The following BACH2 variants were observed in gnomAD, a reference collection of about 807,000 sequenced individuals.
BACH2 encodes the protein BACH transcriptional regulator 2.
Under a neutral mutation model 61.8 loss-of-function variants are expected in BACH2, and 5 were observed. The ratio of observed to expected loss-of-function variants is 0.08; its 90% CI spans 0.04 to 0.17. The LOEUF is 0.17. BACH2 is among the 10% of genes least tolerant of loss of function. The pLI, the probability that BACH2 is intolerant of heterozygous loss-of-function variation, is 1.00. For synonymous variants in BACH2, 446 were observed against 440.1 expected (o/e 1.01, Z -0.17); for missense variants, 824 against 1,091.1 (o/e 0.76, Z 3.45).
intron 7 of BACH2, among the ~76,000 whole-genome samples, chr6:89,940,620 G>A (rs116776098): frequency 5.3e-5 from 8 of 152,148 alleles, no homozygotes; most frequent in African/African-American, 9.7e-5. Flanking sequence ...CGTCTGCTCC[G>A]GATGAGCCAG....
At chr6:90,186,393 A>G (rs1212095257) in intron 4 of BACH2, among the ~76,000 whole-genome samples, 1 of 152,236 alleles carries the variant, frequency 6.6e-6, no homozygotes, top group Non-Finnish European at 1.5e-5. Context: ...TCCCTAAAAT[A>G]TAACCAAGGT....
At chr6:90,045,943 C>G (rs1344852108) in intron 5 of BACH2, among the ~76,000 whole-genome samples, 1 of 152,190 alleles carries the variant, frequency 6.6e-6, no homozygotes, top group Non-Finnish European at 1.5e-5. Context: ...GTCTTACAGG[C>G]TTCTCTCCCC....
At chr6:89,997,067 G>A (rs1437144139) in intron 6 of BACH2, among the ~76,000 whole-genome samples, 2 of 151,660 alleles carry the variant, frequency 1.3e-5, no homozygotes, top group African/African-American at 2.4e-5. Flanking sequence ...GTATTTTTTG[G>A]TGCCTCTCTC....
intron 5 of BACH2, among the ~76,000 whole-genome samples, chr6:90,046,644 A>T (rs1210256268): frequency 6.6e-6 from 1 of 152,190 alleles, no homozygotes; most frequent in Admixed American, 6.5e-5. Context: ...CCTGTGGGTG[A>T]TATCAATATG....
intron 4 of BACH2, among the ~76,000 whole-genome samples, chr6:90,100,281 C>G (rs1008224013): frequency 2.6e-5 from 4 of 152,122 alleles, no homozygotes. Flanking sequence ...TTTCAATTTA[C>G]TTGGATATAT....
intron 4 of BACH2, among the ~76,000 whole-genome samples, chr6:90,157,387 T>A (rs1323740465): frequency 1.3e-5 from 2 of 152,220 alleles, no homozygotes; most frequent in African/African-American, 2.4e-5. Context: ...GTTAATTTAT[T>A]CATTCACTCA....
intron 4 of BACH2, among the ~76,000 whole-genome samples, chr6:90,140,418 TA>T (rs1313543657): frequency 6.6e-6 from 1 of 152,212 alleles, no homozygotes; most frequent in Non-Finnish European, 1.5e-5. Context: ...CAAATGGGAA[TA>T]AAAAGAACAC....
intron 4 of BACH2, among the ~76,000 whole-genome samples, chr6:90,182,104 C>T (rs1002700723): frequency 6.6e-6 from 1 of 152,166 alleles, no homozygotes; most frequent in Non-Finnish European, 1.5e-5. Flanking sequence ...ATGGTAGATG[C>T]TGCAGACATG....
intron 5 of BACH2, among the ~76,000 whole-genome samples, chr6:90,066,181 C>A (rs988003713): frequency 1.3e-5 from 2 of 152,054 alleles, no homozygotes; most frequent in African/African-American, 4.8e-5. Context: ...ACTGAAGAAA[C>A]CAATAAGTCC....
At chr6:90,134,678 T>C (rs1784213591) in intron 4 of BACH2, among the ~76,000 whole-genome samples, 1 of 152,250 alleles carries the variant, frequency 6.6e-6, no homozygotes, top group African/African-American at 2.4e-5. Flanking sequence ...CTTTTCACAG[T>C]GCCCAGTCTT....
At chr6:90,076,081 C>T (rs1179419696) in intron 5 of BACH2, among the ~76,000 whole-genome samples, 2 of 152,048 alleles carry the variant, frequency 1.3e-5, no homozygotes, top group Non-Finnish European at 2.9e-5. Flanking sequence ...TCTACAAGTC[C>T]CACTCTAGGA....
intron 4 of BACH2, among the ~76,000 whole-genome samples, chr6:90,196,739 T>C (rs1768773376): frequency 6.6e-6 from 1 of 152,120 alleles, no homozygotes; most frequent in African/African-American, 2.4e-5. Context: ...CTGGTTAGGG[T>C]TGGTTATCTT....
At chr6:90,194,619 T>C (rs940415516) in intron 4 of BACH2, among the ~76,000 whole-genome samples, 3 of 152,122 alleles carry the variant, frequency 2.0e-5, no homozygotes, top group African/African-American at 7.2e-5. Context: ...GAAACAGAAG[T>C]CTCAAAGGTA....
intron 4 of BACH2, among the ~76,000 whole-genome samples, chr6:90,103,287 G>C (rs1323807641): frequency 6.6e-6 from 1 of 151,824 alleles, no homozygotes; most frequent in Non-Finnish European, 1.5e-5. Flanking sequence ...TGGGAGCAGA[G>C]AGAGCCAGGA....
rs9344986 is a variant in BACH2 at position 90,044,717 on chromosome 6, G to A, written c.-12-35861C>T. On this transcript the variant is annotated intron_variant, in intron 5 of 8. Transcript: ENST00000257749. ...TGGATTTGACAGGTGGAGCTGACGG[G>A]ATTTGCTAGTGGATTGGATGTGGGG... Among the ~76,000 whole-genome samples, 1,451 of 152,296 alleles carry A rather than the reference G, an allele frequency of 9.5e-3. 66 individuals are homozygous for A. In the East Asian group the frequency reaches 0.14, roughly 15 times the overall value.
chr6:89,936,471 T>G lies in BACH2; in HGVS notation c.2043+1673A>C, dbSNP rs555654420. Among the ~76,000 whole-genome samples the G allele has an allele frequency of 1.1e-4, 17 of 152,012 alleles. 1 individual carries two copies. Among genetic ancestry groups the G allele is most frequent in the Non-Finnish European group, 2.9e-5 (2 of 68,018 alleles). On this transcript the variant is annotated intron_variant, in intron 8 of 8. Transcript: ENST00000257749. ...CCTGACTCTTAAAGAACAAAGGAGA[T>G]AGAAAAAGTGGAGGAATGTCCAAGG...
intron 4 of BACH2, among the ~76,000 whole-genome samples, chr6:90,202,854 C>T (rs1422388069): frequency 6.6e-6 from 1 of 152,124 alleles, no homozygotes; most frequent in East Asian, 1.9e-4. Context: ...TGAATGTACA[C>T]AGTGGTCAGT....
chr6:90,277,488 T>C (rs896126452), intron 1 of BACH2, among the ~76,000 whole-genome samples: 1 of 152,156 alleles, frequency 6.6e-6, no homozygotes, highest in African/African-American at 2.4e-5. Flanking sequence ...ACGGGTGAAG[T>C]AGTTACTGGA....
At chr6:90,001,839 C>G (rs544913767) in intron 6 of BACH2, among the ~76,000 whole-genome samples, 8 of 152,298 alleles carry the variant, frequency 5.3e-5, no homozygotes, top group African/African-American at 1.9e-4. Context: ...CAATGGTAAT[C>G]TTCACCACAG....
Sources: allele counts gnomAD v4.1 joint callset (sites outside exome capture counted in the v4.1 genomes callset), GRCh38; gene constraint gnomAD v4.1.1; transcripts MANE v1.5; gene names NCBI Gene and HGNC (gene_info 2026-07-23, HGNC 2026-07-21).